Variants in EDIL3 observed in about 807,000 individuals in gnomAD.
The protein encoded by EDIL3 is EGF-like repeat and discoidin I-like domain-containing protein 3.
Under a neutral mutation model 67.4 loss-of-function variants are expected in EDIL3, and 37 were observed. The observed-to-expected ratio is 0.55, with a 90% CI of 0.42 to 0.72. The LOEUF (loss-of-function observed/expected upper bound fraction) is 0.72, where lower values mean the gene tolerates loss of function less well. EDIL3 is among the 30% of genes least tolerant of loss of function. The pLI is 0.00. For missense variants in EDIL3, 527 were observed against 586.3 expected, an observed-to-expected ratio of 0.90 and a Z score of 1.04; for synonymous variants, 195 against 196.3, an observed-to-expected ratio of 0.99 and a Z score of 0.05.
chr5:84,238,160 T>G (rs905307376), intron 2 of EDIL3, among the ~76,000 whole-genome samples: 3 of 152,148 alleles, frequency 2.0e-5, no homozygotes, highest in Non-Finnish European at 4.4e-5. Context: ...TGTGTGTGTG[T>G]GTATGTGTGT....
At chr5:84,264,637 T>C (rs1157701156) in intron 1 of EDIL3, among the ~76,000 whole-genome samples, 2 of 152,196 alleles carry the variant, frequency 1.3e-5, no homozygotes, top group Non-Finnish European at 1.5e-5. Flanking sequence ...TTTACGCTTT[T>C]AGATAATATA....
intron 1 of EDIL3, among the ~76,000 whole-genome samples, chr5:84,320,000 AG>A (rs2112154387): frequency 6.6e-6 from 1 of 151,964 alleles, no homozygotes; most frequent in African/African-American, 2.4e-5. Context: ...AGGGCCTGTC[AG>A]GGGGTGGGTG....
chr5:84,375,019 T>A (rs914283316), intron 1 of EDIL3, among the ~76,000 whole-genome samples: 2 of 151,648 alleles, frequency 1.3e-5, no homozygotes, highest in Non-Finnish European at 2.9e-5. Context: ...GTCACCAAGC[T>A]GAAGTGCAAT....
intron 2 of EDIL3, among the ~76,000 whole-genome samples, chr5:84,241,452 C>A (rs894596804): frequency 6.6e-6 from 1 of 152,006 alleles, no homozygotes; most frequent in South Asian, 2.1e-4. Flanking sequence ...AAAATCAATT[C>A]ATAACTTATT....
Position 84,191,298 on chromosome 5 carries a change from T to G in EDIL3, c.227-10777A>C, listed in dbSNP as rs117274330. ...GTGGCAGGAGGTGGAGGAAAGGATT[T>G]CTATTTTTACTTTTGGAATCTGTCC... On this transcript the variant is annotated intron_variant, in intron 3 of 10. Transcript: ENST00000296591. 2.6e-4 allele frequency among the ~76,000 whole-genome samples: 39 copies of G among 151,954 alleles called. No homozygotes were observed. In the East Asian group the frequency reaches 7.4e-3, roughly 29 times the overall value.
intron 4 of EDIL3, among the ~76,000 whole-genome samples, chr5:84,144,758 A>C (rs1336271464): frequency 6.6e-6 from 1 of 152,054 alleles, no homozygotes; most frequent in African/African-American, 2.4e-5. Context: ...ATTATTATTT[A>C]TACAATTGCA....
At chr5:84,049,711 G>T (rs1216907945) in intron 9 of EDIL3, among the ~76,000 whole-genome samples, 1 of 152,144 alleles carries the variant, frequency 6.6e-6, no homozygotes, top group Non-Finnish European at 1.5e-5. Flanking sequence ...ACATTGGTAA[G>T]CTTTATTGCT....
At chr5:84,330,138 C>A (rs557708055) in intron 1 of EDIL3, among the ~76,000 whole-genome samples, 2 of 152,172 alleles carry the variant, frequency 1.3e-5, no homozygotes, top group Non-Finnish European at 2.9e-5. Context: ...CAATTCATCT[C>A]AAATAAATGT....
intron 4 of EDIL3, among the ~76,000 whole-genome samples, chr5:84,150,204 A>G (rs1748365402): frequency 6.6e-6 from 1 of 152,184 alleles, no homozygotes; most frequent in Admixed American, 6.5e-5. Context: ...TGCTGAAATA[A>G]TTGAATATAT....
Position 84,066,629 on chromosome 5 carries a change from C to T in EDIL3, c.652-23G>A, listed in dbSNP as rs1171683807. 1.9e-6 allele frequency: 3 copies of T among 1,603,462 alleles called. No homozygotes were observed. In the Admixed American group the frequency reaches 5.2e-5, roughly 28 times the overall value. ...TATCTGAAAAGACGAGCACAACCAACAATAATCTTATTGTTTTCAGGATAA... is the reference window on the plus strand; with the variant it reads ...TATCTGAAAAGACGAGCACAACCAATAATAATCTTATTGTTTTCAGGATAA... On this transcript the variant is annotated intron_variant, in intron 6 of 10. Coordinates refer to ENST00000296591, the MANE Select transcript of EDIL3 (RefSeq NM_005711.5).
At chr5:84,008,571 C>G (rs1472568157) in intron 9 of EDIL3, among the ~76,000 whole-genome samples, 1 of 151,840 alleles carries the variant, frequency 6.6e-6, no homozygotes, top group Non-Finnish European at 1.5e-5. Context: ...TAAAAACATA[C>G]CAGAAAGGAT....
Position 84,340,534 on chromosome 5 carries a change from C to CTA in EDIL3, c.67+43772_67+43773dup, listed in dbSNP as rs776456328. Among the ~76,000 whole-genome samples the CTA allele has an allele frequency of 2.1e-3, 114 of 54,182 alleles. 1 individual carries two copies. The highest frequency in any genetic ancestry group is 5.0e-3 in the Admixed American group (20 of 4,002). 35.5% of individuals were successfully genotyped at this position (54,182 alleles called of 152,430 possible). A position where few individuals can be genotyped will look rare whatever the true frequency, so the allele number is the denominator to read the frequency against. ...TCTCTCTCTCTCTCTCTCTCTCTCT[C>CTA]TATATATATATATATATATATATAT... is the stretch of plus-strand genomic sequence containing the variant. On this transcript the variant is annotated intron_variant, in intron 1 of 10. Transcript: ENST00000296591.
intron 5 of EDIL3, among the ~76,000 whole-genome samples, chr5:84,109,715 A>C (rs1463196720): frequency 1.3e-5 from 2 of 152,064 alleles, no homozygotes; most frequent in Non-Finnish European, 2.9e-5. Flanking sequence ...AATACCCCCC[A>C]AAAACCAATT....
chr5:84,377,711 C>G (rs1747997291), intron 1 of EDIL3, among the ~76,000 whole-genome samples: 2 of 152,118 alleles, frequency 1.3e-5, no homozygotes, highest in African/African-American at 4.8e-5. Context: ...AGATTAAAAC[C>G]TTGGTCTTCC....
intron 4 of EDIL3, among the ~76,000 whole-genome samples, chr5:84,166,478 A>T (rs1402296397): frequency 6.6e-6 from 1 of 152,172 alleles, no homozygotes; most frequent in African/African-American, 2.4e-5. Flanking sequence ...AGGCTCATTC[A>T]TTCATTTGTT....
intron 4 of EDIL3, among the ~76,000 whole-genome samples, chr5:84,165,202 T>C (rs1477282143): frequency 1.3e-5 from 2 of 152,166 alleles, no homozygotes; most frequent in African/African-American, 2.4e-5. Flanking sequence ...CTCTGGTCCT[T>C]AGGAACTTTA....
At chr5:84,287,754 A>G (rs527944095) in intron 1 of EDIL3, among the ~76,000 whole-genome samples, 2 of 152,152 alleles carry the variant, frequency 1.3e-5, no homozygotes, top group East Asian at 3.9e-4. Flanking sequence ...AATGCTGTCT[A>G]CTCTGTGAAA....
Position 84,138,825 on chromosome 5 carries a change from G to A in EDIL3, c.356-1471C>T, listed in dbSNP as rs80303351. Reference sequence around the variant, plus strand: ...GGTTGACAATCATAGCTTAAGAACAGAGATAATTCATGACTGTGTTCAGAA... The same window carrying A: ...GGTTGACAATCATAGCTTAAGAACAAAGATAATTCATGACTGTGTTCAGAA... On this transcript the variant is annotated intron_variant, in intron 4 of 10. Transcript: ENST00000296591. 2.2e-3 allele frequency among the ~76,000 whole-genome samples: 335 copies of A among 152,200 alleles called. 7 individuals carry two copies. The East Asian group carries it at 0.026, about 12-fold the overall frequency.
chr5:84,381,184 T>A (rs112666551), intron 1 of EDIL3, among the ~76,000 whole-genome samples: 150 of 152,224 alleles, frequency 9.9e-4, no homozygotes, highest in African/African-American at 3.5e-3. Flanking sequence ...AACAAATACA[T>A]TTTAATTCTA....
Sources: allele counts gnomAD v4.1 joint callset (sites outside exome capture counted in the v4.1 genomes callset), GRCh38; gene constraint gnomAD v4.1.1; transcripts MANE v1.5; gene names NCBI Gene and HGNC (gene_info 2026-07-23, HGNC 2026-07-21).